CDH12: variants seen among roughly 807,000 people sequenced by gnomAD.
CDH12 encodes cadherin-12.
In CDH12, 41 loss-of-function variants were observed where a neutral mutation model predicts 74.1. The ratio of observed to expected loss-of-function variants is 0.55; its 90% CI spans 0.43 to 0.72. The LOEUF (loss-of-function observed/expected upper bound fraction) is 0.72, where lower values mean the gene tolerates loss of function less well. CDH12 is among the 30% of genes least tolerant of loss of function. The pLI, the probability that CDH12 is intolerant of heterozygous loss-of-function variation, is 0.00. For synonymous variants in CDH12, 399 were observed against 355.0 expected (o/e 1.12, Z -1.39); for missense variants, 945 against 977.2 (o/e 0.97, Z 0.44).
At chr5:22,032,632 C>CTGACTTTAAAATATACTACAA (rs1738893101) in intron 5 of CDH12, among the ~76,000 whole-genome samples, 1 of 150,428 alleles carries the variant, frequency 6.6e-6, no homozygotes, top group African/African-American at 2.5e-5. Flanking sequence ...TGCATGAACC[C>CTGACTTTAAAATATACTACAA]AGAAGGTGCA....
At chr5:22,498,567 C>T (rs2126651740) in intron 2 of CDH12, among the ~76,000 whole-genome samples, 1 of 151,852 alleles carries the variant, frequency 6.6e-6, no homozygotes, top group South Asian at 2.1e-4. Flanking sequence ...CTCTCTGTCA[C>T]CCAGAATATG....
Position 22,709,009 on chromosome 5 carries a change from A to G in CDH12, c.-523+144049T>C, listed in dbSNP as rs193041891. 1.9e-3 allele frequency among the ~76,000 whole-genome samples: 283 copies of G among 152,244 alleles called. 1 individual carries two copies. Among genetic ancestry groups the G allele is most frequent in the Middle Eastern group, 0.014 (4 of 294 alleles). ...GGGCAGGTCTTTGGCACCAACAAAC[A>G]GGAGCTTGAACTGGGACCTAAAAAG... On this transcript the variant is annotated intron_variant, in intron 1 of 14. Transcript: ENST00000382254.
chr5:22,427,023 CCT>C (rs1743967437), intron 2 of CDH12, among the ~76,000 whole-genome samples: 1 of 152,002 alleles, frequency 6.6e-6, no homozygotes, highest in Non-Finnish European at 1.5e-5. Flanking sequence ...TTTCTCTTCC[CCT>C]CTTTCCTTCA....
intron 2 of CDH12, among the ~76,000 whole-genome samples, chr5:22,429,476 C>T (rs893784146): frequency 6.6e-6 from 1 of 152,036 alleles, no homozygotes; most frequent in Non-Finnish European, 1.5e-5. Context: ...TATACTCAAC[C>T]TCAAGGGAAA....
At chr5:21,760,909 A>G (rs1052740338) in intron 12 of CDH12, among the ~76,000 whole-genome samples, 2 of 152,174 alleles carry the variant, frequency 1.3e-5, no homozygotes, top group African/African-American at 2.4e-5. Context: ...ATACCTGCGT[A>G]ACTAAAAAGG....
chr5:21,850,278 G>A lies in CDH12; in HGVS notation c.646+4393C>T, dbSNP rs114787951. On this transcript the variant is annotated intron_variant, in intron 7 of 14. Transcript: ENST00000382254. Reference sequence around the variant, plus strand: ...ATAGTGTATTGTACTTTGGATTTTTGCTAAACGAGTAGATTATAACTTTCT... The same window carrying A: ...ATAGTGTATTGTACTTTGGATTTTTACTAAACGAGTAGATTATAACTTTCT... Among the ~76,000 whole-genome samples, 1,018 of 151,560 alleles carry A rather than the reference G, an allele frequency of 6.7e-3. 11 individuals carry two copies. The highest frequency in any genetic ancestry group is 0.023 in the African/African-American group (961 of 41,450).
chr5:22,108,754 A>G (rs1744647436), intron 4 of CDH12, among the ~76,000 whole-genome samples: 1 of 152,196 alleles, frequency 6.6e-6, no homozygotes, highest in Non-Finnish European at 1.5e-5. Context: ...GATAACACAG[A>G]TGACAAATAA....
chr5:22,496,893 G>A (rs182841439), intron 2 of CDH12, among the ~76,000 whole-genome samples: 2 of 151,972 alleles, frequency 1.3e-5, no homozygotes, highest in East Asian at 1.9e-4. Context: ...ATCTATTCTC[G>A]TCTGAACTTG....
At chr5:21,970,865 A>G (rs1260549293) in intron 6 of CDH12, among the ~76,000 whole-genome samples, 8 of 147,796 alleles carry the variant, frequency 5.4e-5, no homozygotes, top group Non-Finnish European at 1.0e-4. Context: ...AAAAAAAAAA[A>G]AAAAAAAAAG....
intron 3 of CDH12, among the ~76,000 whole-genome samples, chr5:22,258,477 G>A (rs1753397755): frequency 6.6e-6 from 1 of 151,674 alleles, no homozygotes. Context: ...TAAGATAACA[G>A]CATATCTATA....
intron 4 of CDH12, among the ~76,000 whole-genome samples, chr5:22,158,557 AT>A (rs1748158293): frequency 6.6e-6 from 1 of 152,082 alleles, no homozygotes; most frequent in Admixed American, 6.6e-5. Flanking sequence ...AAAAAGCTGA[AT>A]GGGGGTGTTC....
At chr5:22,273,717 C>T (rs1268845092) in intron 3 of CDH12, among the ~76,000 whole-genome samples, 3 of 152,094 alleles carry the variant, frequency 2.0e-5, no homozygotes, top group South Asian at 2.1e-4. Context: ...TGTTGCTTTG[C>T]TTTGATTTTG....
At position 22,131,907 on chromosome 5, in the gene CDH12, G is replaced by A. The variant is rs185807983; in HGVS notation, c.-186-53045C>T. On this transcript the variant is annotated intron_variant, in intron 4 of 14. Transcript: ENST00000382254. ...GTTGTTTTGAAAGGCACTGTAATGTGCCCCCTTTTTCTTACACAGCAGTGG... is the reference window on the plus strand; with the variant it reads ...GTTGTTTTGAAAGGCACTGTAATGTACCCCCTTTTTCTTACACAGCAGTGG... Among the ~76,000 whole-genome samples the A allele has an allele frequency of 2.2e-3, 342 of 152,178 alleles. 3 individuals carry two copies. Among genetic ancestry groups the A allele is most frequent in the Admixed American group, 3.7e-3 (56 of 15,256 alleles).
chr5:22,075,299 T>G (rs1398394726), intron 5 of CDH12, among the ~76,000 whole-genome samples: 1 of 104,378 alleles, frequency 9.6e-6, no homozygotes, highest in Non-Finnish European at 1.8e-5. Context: ...CATCACACAC[T>G]GGGGCCTGTT....
chr5:21,751,633 T>TAA lies in CDH12; in HGVS notation c.*103_*104insTT, dbSNP rs1491490279. ...GAGTGTGTGTGTGTGTGTGTGTGTT[T>TAA]GTGTGTGTGTGTGTGTGTGAGAGAG... On this transcript the variant is annotated 3_prime_UTR_variant, in exon 15 of 15. Transcript: ENST00000382254. 1.6e-6 allele frequency: 1 copy of TAA among 613,168 alleles called. No individual in the cohort carries two copies. Among genetic ancestry groups the TAA allele is most frequent in the African/African-American group, 3.5e-5 (1 of 28,918 alleles). 38.0% of individuals were successfully genotyped at this position (613,168 alleles called of 1,614,324 possible).
At chr5:21,825,481 C>T (rs1393517501) in intron 8 of CDH12, among the ~76,000 whole-genome samples, 1 of 152,174 alleles carries the variant, frequency 6.6e-6, no homozygotes, top group East Asian at 1.9e-4. Context: ...CTTGATGAGA[C>T]ACAAACTGCT....
chr5:22,115,160 T>C (rs1475427962), intron 4 of CDH12, among the ~76,000 whole-genome samples: 1 of 152,198 alleles, frequency 6.6e-6, no homozygotes, highest in African/African-American at 2.4e-5. Flanking sequence ...ATGCTCTTGA[T>C]AGTATTGACA....
At chr5:22,090,310 C>T (rs1279824104) in intron 4 of CDH12, among the ~76,000 whole-genome samples, 2 of 151,462 alleles carry the variant, frequency 1.3e-5, no homozygotes, top group Non-Finnish European at 3.0e-5. Flanking sequence ...TTTAGAAAGA[C>T]AAAAATTAAT....
chr5:22,809,241 A>C (rs1015113784), intron 1 of CDH12, among the ~76,000 whole-genome samples: 1 of 152,050 alleles, frequency 6.6e-6, no homozygotes, highest in African/African-American at 2.4e-5. Context: ...ATAAATTGTC[A>C]GTTGCTATTT....
Sources: gnomAD v4.1 joint callset for allele counts (sites outside exome capture counted in the v4.1 genomes callset) on GRCh38, gnomAD v4.1.1 for gene constraint, MANE v1.5 for transcripts, NCBI Gene and HGNC (gene_info 2026-07-23, HGNC 2026-07-21) for gene names.